Variants in UTRN observed in about 807,000 individuals in gnomAD.
UTRN encodes the protein dystrophin-related protein 1.
UTRN carries 283 observed loss-of-function variants against 463.9 expected under a neutral mutation model. That is an observed-to-expected ratio of 0.61 (90% CI 0.55 to 0.67). The LOEUF (loss-of-function observed/expected upper bound fraction) is 0.67, where lower values mean the gene tolerates loss of function less well. Ranked by LOEUF, UTRN falls within the 30% of genes least tolerant of loss-of-function variation. The pLI, the probability that UTRN is intolerant of heterozygous loss-of-function variation, is 0.00. For missense variants in UTRN, 3,922 were observed against 4,084.3 expected (o/e 0.96, Z 1.08); for synonymous variants, 1,442 against 1,431.5 (o/e 1.01, Z -0.17).
At chr6:144,829,522 C>CT (rs1222986968) in intron 69 of UTRN, among the ~76,000 whole-genome samples, 1 of 151,980 alleles carries the variant, frequency 6.6e-6, no homozygotes, top group Non-Finnish European at 1.5e-5. Flanking sequence ...TGTGTGTACT[C>CT]TTACTTTTGG....
intron 51 of UTRN, among the ~76,000 whole-genome samples, chr6:144,655,227 TG>T: frequency 6.6e-6 from 1 of 152,364 alleles, no homozygotes; most frequent in Admixed American, 6.5e-5. Flanking sequence ...CCTTTAGGGC[TG>T]TATATTACCT....
chr6:144,723,458 G>A (rs539635998), intron 53 of UTRN, among the ~76,000 whole-genome samples: 28 of 152,114 alleles, frequency 1.8e-4, no homozygotes, highest in Non-Finnish European at 3.4e-4. Context: ...TTCTATATAT[G>A]TCTAGGCAGG....
intron 34 of UTRN, among the ~76,000 whole-genome samples, chr6:144,504,525 G>A (rs1355150161): frequency 2.6e-5 from 4 of 152,190 alleles, no homozygotes; most frequent in Non-Finnish European, 4.4e-5. Context: ...TTCTGCTTAT[G>A]TGATGGATTA....
chr6:144,416,369 A>G (rs150403680), intron 3 of UTRN, among the ~76,000 whole-genome samples: 2,292 of 152,288 alleles, frequency 0.015, 50 homozygotes, highest in South Asian at 0.1. Flanking sequence ...ACCCTTAGCT[A>G]GAACTGAGCA....
chr6:144,464,759 CA>C (rs1346148824), intron 23 of UTRN, among the ~76,000 whole-genome samples: 9 of 152,118 alleles, frequency 5.9e-5, no homozygotes, highest in Admixed American at 5.2e-4. Context: ...CTCGGCCTCC[CA>C]AAATGCTAGG....
chr6:144,429,507 T>C, intron 8 of UTRN, 74 bp from the exon 9 acceptor site: 1 of 1,355,044 alleles, frequency 7.4e-7, no homozygotes. Flanking sequence ...AGAGTTATTT[T>C]ATATCTAATA....
At chr6:144,448,809 A>G (rs760564957) in intron 17 of UTRN, 40 bp downstream of exon 17, 45 of 1,597,924 alleles carry the variant, frequency 2.8e-5, no homozygotes, top group Non-Finnish European at 3.6e-5. Flanking sequence ...CCAATATTGC[A>G]CATACTATAT....
chr6:144,730,600 C>CT, intron 54 of UTRN, 114 bp downstream of exon 54: 1 of 1,203,412 alleles, frequency 8.3e-7, no homozygotes, highest in Non-Finnish European at 1.1e-6. Flanking sequence ...TAAATCTTTT[C>CT]TTCTAAGTGT....
Position 144,610,868 on chromosome 6 carries a change from T to C in UTRN, c.7479+33580T>C, listed in dbSNP as rs941867586. Reference sequence around the variant, plus strand: ...CCAGCCTCGGGGACAAGAGCAAGACTTTGTTTCAAAAAAACCAAACCAAAC... The same window carrying C: ...CCAGCCTCGGGGACAAGAGCAAGACCTTGTTTCAAAAAAACCAAACCAAAC... On this transcript the variant is annotated intron_variant, in intron 51 of 74. Transcript: ENST00000367545. Among the ~76,000 whole-genome samples the C allele has an allele frequency of 2.6e-5, 4 of 152,218 alleles. No homozygotes were observed. The East Asian group carries it at 7.7e-4, about 29-fold the overall frequency.
Position 144,828,817 on chromosome 6 carries a change from G to A in UTRN, c.9627G>A (p.Gly3209=). The change falls in exon 69 of 75, where the codon GGG becomes GGA. Residue 3209 remains glycine, a synonymous_variant. Coordinates refer to ENST00000367545, the MANE Select transcript of UTRN (RefSeq NM_007124.3). ...TRLAQMERTN[G]SFLTDSSSTT... is the part of the protein sequence containing the mutation. ...TGGCCCAGATGGAAAGGACTAATGG[G>A]TCTTTTCTCACTGATAGCAGCTCCA... The A allele has an allele frequency of 6.2e-7, 1 of 1,613,418 alleles. No homozygotes were observed.
chr6:144,524,668 G>A (rs143328420), intron 41 of UTRN, among the ~76,000 whole-genome samples: 240 of 152,052 alleles, frequency 1.6e-3, no homozygotes, highest in African/African-American at 5.4e-3. Context: ...TAACCAATTC[G>A]GATGCCCTTT....
chr6:144,501,253 C>CA (rs2128584916), intron 34 of UTRN, among the ~76,000 whole-genome samples: 1 of 152,288 alleles, frequency 6.6e-6, no homozygotes, highest in South Asian at 2.1e-4. Flanking sequence ...GAATGCAAAA[C>CA]AAAGGCACCA....
rs774385550 is a variant in UTRN at position 144,521,961 on chromosome 6, T to C, written c.5542-19T>C. On this transcript the variant is annotated intron_variant, in intron 39 of 74. Coordinates refer to ENST00000367545, the MANE Select transcript of UTRN (RefSeq NM_007124.3). ...GATATATATATATATATATATTTTT[T>C]TTTTTGCTGTTTTTGTAGGCAATCC... 4.0e-5 allele frequency: 57 copies of C among 1,427,586 alleles called. No individual in the cohort carries two copies. Among genetic ancestry groups the C allele is most frequent in the Non-Finnish European group, 5.0e-5 (55 of 1,091,228 alleles). The allele number at this position is 1,427,586 out of a possible 1,614,324, so 88.4% of individuals were successfully genotyped here.
chr6:144,735,410 C>T (rs997439506), intron 54 of UTRN, among the ~76,000 whole-genome samples: 2 of 152,146 alleles, frequency 1.3e-5, no homozygotes, highest in African/African-American at 4.8e-5. Flanking sequence ...CAGTAGACAG[C>T]CTGGCCTGGT....
At chr6:144,356,809 A>T (rs1262386744) in intron 2 of UTRN, among the ~76,000 whole-genome samples, 1 of 152,096 alleles carries the variant, frequency 6.6e-6, no homozygotes, top group Non-Finnish European at 1.5e-5. Context: ...TGGGCGACAG[A>T]GCAAGACTCC....
chr6:144,559,161 T>G (rs1799645481), intron 50 of UTRN, among the ~76,000 whole-genome samples: 1 of 151,856 alleles, frequency 6.6e-6, no homozygotes, highest in Non-Finnish European at 1.5e-5. Context: ...CCTACAGCAG[T>G]AGTTGGATTA....
chr6:144,296,964 G>T (rs551585839), intron 2 of UTRN, among the ~76,000 whole-genome samples: 1 of 152,280 alleles, frequency 6.6e-6, no homozygotes, highest in South Asian at 2.1e-4. Context: ...GTTAGCAAAG[G>T]GGAAAATACC....
chr6:144,648,218 A>G (rs542259284), intron 51 of UTRN, among the ~76,000 whole-genome samples: 3 of 152,314 alleles, frequency 2.0e-5, no homozygotes, highest in East Asian at 3.9e-4. Context: ...TAGAGAAACT[A>G]CAGCCTTTCA....
intron 2 of UTRN, among the ~76,000 whole-genome samples, chr6:144,370,590 C>G (rs575248973): frequency 2.6e-5 from 4 of 152,308 alleles, no homozygotes; most frequent in Admixed American, 6.5e-5. Flanking sequence ...CACAGAATTC[C>G]CACTGGGGAA....
Sources: allele counts gnomAD v4.1 joint callset (sites outside exome capture counted in the v4.1 genomes callset), GRCh38; gene constraint gnomAD v4.1.1; transcripts MANE v1.5; gene names NCBI Gene and HGNC (gene_info 2026-07-23, HGNC 2026-07-21).